The following DCDC2 variants were observed in gnomAD, a reference collection of about 807,000 sequenced individuals.
DCDC2 encodes doublecortin domain containing 2.
A neutral mutation model predicts 50.2 loss-of-function variants in DCDC2; 40 were observed. The ratio of observed to expected loss-of-function variants is 0.80; its 90% CI spans 0.62 to 1.04. The LOEUF is 1.04. Ranked by LOEUF, DCDC2 falls within the 50% of genes least tolerant of loss-of-function variation. DCDC2 has a pLI of 0.00. For missense variants in DCDC2, 570 were observed against 581.9 expected (o/e 0.98, Z 0.21); for synonymous variants, 234 against 210.6 (o/e 1.11, Z -0.96).
Position 24,219,093 on chromosome 6 carries a change from C to A in DCDC2, c.923-13991G>T, listed in dbSNP as rs552343998. On this transcript the variant is annotated intron_variant, in intron 7 of 9. Coordinates refer to ENST00000378454, the MANE Select transcript of DCDC2 (RefSeq NM_016356.5). Reference sequence around the variant, plus strand: ...TAAAATATTTCCATTGTATTAAGTGCAGTTGAATTAACTTTTATTTTGTTG... The same window carrying A: ...TAAAATATTTCCATTGTATTAAGTGAAGTTGAATTAACTTTTATTTTGTTG... Among the ~76,000 whole-genome samples the A allele has an allele frequency of 2.0e-5, 3 of 152,184 alleles. No homozygotes were observed. In the East Asian group the frequency reaches 5.8e-4, roughly 29 times the overall value.
At chr6:24,304,006 A>C (rs1298376335) in intron 2 of DCDC2, among the ~76,000 whole-genome samples, 1 of 152,240 alleles carries the variant, frequency 6.6e-6, no homozygotes, top group Admixed American at 6.5e-5. Context: ...TGTGACTCTC[A>C]AGTGCCTAAA....
At chr6:24,188,169 T>C (rs1232764585) in intron 8 of DCDC2, among the ~76,000 whole-genome samples, 1 of 152,192 alleles carries the variant, frequency 6.6e-6, no homozygotes, top group Admixed American at 6.5e-5. Context: ...AGCCTCTGCA[T>C]CTCTCTCAGC....
chr6:24,341,947 T>TACACAC (rs10540083), intron 2 of DCDC2, among the ~76,000 whole-genome samples: 23,267 of 151,622 alleles, frequency 0.15, 1,859 homozygotes, highest in Middle Eastern at 0.19. Flanking sequence ...TGTGCACGCG[T>TACACAC]ACACACACAC....
In DCDC2 at chr6:24,183,661, C is replaced by T. The variant is rs1443277732; in HGVS notation, c.1024-5029G>A. On this transcript the variant is annotated intron_variant, in intron 8 of 9. Transcript: ENST00000378454. ...GACCCTGAGAGACACATAAGGGACT[C>T]TCACGCCTTATGACTTCAGTGATTG... Among the ~76,000 whole-genome samples the T allele has an allele frequency of 5.3e-5, 8 of 152,270 alleles. No individual in the cohort carries two copies. The South Asian group carries it at 8.3e-4, about 16-fold the overall frequency.
At chr6:24,365,889 C>T in the DCDC2 span, 1 of 152,236 alleles carries the variant, frequency 6.6e-6, no homozygotes, top group East Asian at 1.9e-4. Flanking sequence ...GTGATCTCGG[C>T]TCACTGCAAC....
At chr6:24,213,488 C>T (rs1276867632) in intron 7 of DCDC2, among the ~76,000 whole-genome samples, 1 of 152,036 alleles carries the variant, frequency 6.6e-6, no homozygotes, top group Non-Finnish European at 1.5e-5. Context: ...ATTTATAAGG[C>T]AATACTCTTT....
intron 8 of DCDC2, among the ~76,000 whole-genome samples, chr6:24,200,104 G>A (rs1471507315): frequency 6.6e-6 from 1 of 152,150 alleles, no homozygotes; most frequent in Admixed American, 6.5e-5. Context: ...TTATCCAGCA[G>A]AACCTCCCCA....
chr6:24,262,750 C>T (rs931832542), intron 7 of DCDC2, among the ~76,000 whole-genome samples: 6 of 152,214 alleles, frequency 3.9e-5, no homozygotes, highest in African/African-American at 1.2e-4. Context: ...TCCAGACACA[C>T]CCAGGGCCAG....
chr6:24,228,004 T>C (rs371019575), intron 7 of DCDC2, among the ~76,000 whole-genome samples: 1 of 152,232 alleles, frequency 6.6e-6, no homozygotes, highest in East Asian at 1.9e-4. Flanking sequence ...CCTTCTCTTC[T>C]GCAGTTTGTG....
intron 4 of DCDC2, among the ~76,000 whole-genome samples, chr6:24,296,870 T>A (rs561624095): frequency 1.8e-4 from 28 of 152,330 alleles, no homozygotes; most frequent in African/African-American, 6.5e-4. Flanking sequence ...TGGCAGAGTG[T>A]AAACTAGTTC....
chr6:24,220,881 AG>A, intron 7 of DCDC2, among the ~76,000 whole-genome samples: 1 of 147,050 alleles, frequency 6.8e-6, no homozygotes, highest in East Asian at 2.0e-4. Context: ...AGAGAGCGAG[AG>A]CGAGAGAGTG....
intron 2 of DCDC2, among the ~76,000 whole-genome samples, chr6:24,310,582 C>T (rs116338898): frequency 0.01 from 1,573 of 152,250 alleles, 25 homozygotes; most frequent in African/African-American, 0.035. Context: ...TTATCACATG[C>T]CATGTTGTTT....
intron 8 of DCDC2, among the ~76,000 whole-genome samples, chr6:24,198,197 A>G (rs1761489134): frequency 6.6e-6 from 1 of 152,226 alleles, no homozygotes. Context: ...GGCATTTTAA[A>G]AAAATGCTTT....
chr6:24,327,081 G>T (rs369401660), intron 2 of DCDC2, among the ~76,000 whole-genome samples: 1 of 149,070 alleles, frequency 6.7e-6, no homozygotes, highest in East Asian at 2.3e-4. Context: ...CCATGAACAA[G>T]TCAGTCAGGG....
intron 7 of DCDC2, among the ~76,000 whole-genome samples, chr6:24,266,793 T>C (rs184009467): frequency 2.0e-5 from 3 of 152,286 alleles, no homozygotes; most frequent in Admixed American, 1.3e-4. Context: ...GATCCAGTAA[T>C]CCCACTGCTA....
At chr6:24,356,494 A>C (rs1356396445) in intron 1 of DCDC2, among the ~76,000 whole-genome samples, 1 of 152,188 alleles carries the variant, frequency 6.6e-6, no homozygotes, top group Non-Finnish European at 1.5e-5. Flanking sequence ...ACAACTCTGA[A>C]TACACTGAAA....
chr6:24,195,339 A>C (rs1761409056), intron 8 of DCDC2, among the ~76,000 whole-genome samples: 1 of 152,212 alleles, frequency 6.6e-6, no homozygotes, highest in Non-Finnish European at 1.5e-5. Flanking sequence ...GAAGAACCTC[A>C]AGCTTAGGGA....
chr6:24,192,693 A>G (rs1187085829), intron 8 of DCDC2, among the ~76,000 whole-genome samples: 1 of 152,140 alleles, frequency 6.6e-6, no homozygotes, highest in Non-Finnish European at 1.5e-5. Context: ...AAGGAAGATA[A>G]AAGTTGAGGC....
chr6:24,228,110 G>A (rs879728752), intron 7 of DCDC2, among the ~76,000 whole-genome samples: 1 of 152,166 alleles, frequency 6.6e-6, no homozygotes, highest in Non-Finnish European at 1.5e-5. Flanking sequence ...CAGCAGATGA[G>A]GTGTGAATTA....
Sources: allele counts gnomAD v4.1 joint callset (sites outside exome capture counted in the v4.1 genomes callset), GRCh38; gene constraint gnomAD v4.1.1; transcripts MANE v1.5; gene names NCBI Gene and HGNC (gene_info 2026-07-23, HGNC 2026-07-21).